CWC27: variants seen among roughly 807,000 people sequenced by gnomAD.
CWC27 encodes CWC27 spliceosome associated cyclophilin, also known as spliceosome-associated protein CWC27 homolog.
CWC27 carries 47 observed loss-of-function variants against 63.6 expected under a neutral mutation model. The ratio of observed to expected loss-of-function variants is 0.74; its 90% CI spans 0.58 to 0.94. The LOEUF is 0.94. Among genes scored for constraint, CWC27 ranks in the 40% least tolerant of loss-of-function variants. The probability of loss-of-function intolerance (pLI) is 0.00; values close to 1 mark genes in which losing one functional copy is unlikely to be tolerated. For synonymous variants in CWC27, 175 were observed against 179.8 expected, an observed-to-expected ratio of 0.97 and a Z score of 0.22; for missense variants, 495 against 554.3, an observed-to-expected ratio of 0.89 and a Z score of 1.07.
chr5:64,979,764 A>G (rs191387165), intron 13 of CWC27, among the ~76,000 whole-genome samples: 123 of 152,318 alleles, frequency 8.1e-4, no homozygotes, highest in Non-Finnish European at 9.7e-4. Flanking sequence ...GATTGCTTCT[A>G]AGACATTTTT....
chr5:64,780,688 C>T (rs9291822), intron 2 of CWC27, among the ~76,000 whole-genome samples: 80,450 of 132,960 alleles, frequency 0.61, 22,228 homozygotes, highest in East Asian at 0.87. Flanking sequence ...TATACACACG[C>T]GCACACGCGC....
intron 11 of CWC27, among the ~76,000 whole-genome samples, chr5:64,937,691 G>A (rs780931882): frequency 2.0e-5 from 3 of 152,020 alleles, no homozygotes; most frequent in Non-Finnish European, 4.4e-5. Context: ...TTGACAGTGA[G>A]GTGTTAAAGT....
At chr5:64,786,435 A>G in intron 5 of CWC27, 89 bp from the exon 6 acceptor site, 6 of 673,834 alleles carry the variant, frequency 8.9e-6, no homozygotes, top group Non-Finnish European at 1.4e-5. Flanking sequence ...AAAAATATAG[A>G]CACTATACCA....
intron 10 of CWC27, among the ~76,000 whole-genome samples, chr5:64,857,128 T>C (rs1178732731): frequency 6.6e-6 from 1 of 152,222 alleles, no homozygotes; most frequent in Admixed American, 6.5e-5. Flanking sequence ...GGGCAATATG[T>C]TGTTTTAAAG....
intron 10 of CWC27, among the ~76,000 whole-genome samples, chr5:64,862,784 GA>G (rs1746443229): frequency 6.6e-6 from 1 of 152,116 alleles, no homozygotes; most frequent in Non-Finnish European, 1.5e-5. Flanking sequence ...CAAGAAAAGA[GA>G]AATTTCTTTC....
intron 12 of CWC27, among the ~76,000 whole-genome samples, chr5:64,972,879 G>A (rs1290963085): frequency 6.6e-6 from 1 of 152,142 alleles, no homozygotes; most frequent in Non-Finnish European, 1.5e-5. Flanking sequence ...AGGGAAAAGA[G>A]CTAAACAAGT....
At position 64,905,973 on chromosome 5, in the gene CWC27, C is replaced by A. The variant is rs112372873; in HGVS notation, c.1042+20427C>A. Among the ~76,000 whole-genome samples the A allele has an allele frequency of 4.8e-3, 734 of 152,006 alleles. 5 individuals carry two copies. The highest frequency in any genetic ancestry group is 0.017 in the African/African-American group (692 of 41,334). On this transcript the variant is annotated intron_variant, in intron 11 of 13. Coordinates refer to ENST00000381070, the MANE Select transcript of CWC27 (RefSeq NM_005869.4). ...GATAGTTTGCTAAGAATGATGGTTT[C>A]CAGCTTCATCCATGTCCCTGCAAAG...
intron 13 of CWC27, among the ~76,000 whole-genome samples, chr5:64,982,067 T>C (rs1195925634): frequency 2.0e-5 from 3 of 152,204 alleles, no homozygotes; most frequent in African/African-American, 7.2e-5. Context: ...AGCTTTCCTT[T>C]GGAGTTAGCA....
chr5:64,974,653 T>C (rs1027955661), intron 12 of CWC27, among the ~76,000 whole-genome samples: 1 of 152,126 alleles, frequency 6.6e-6, no homozygotes. Flanking sequence ...TAGATAGATA[T>C]GGAGATAAGC....
intron 11 of CWC27, among the ~76,000 whole-genome samples, chr5:64,942,631 T>G (rs1192997848): frequency 1.3e-5 from 2 of 152,128 alleles, no homozygotes; most frequent in Non-Finnish European, 2.9e-5. Flanking sequence ...TGAATACATG[T>G]GTTATTTTCT....
intron 10 of CWC27, among the ~76,000 whole-genome samples, chr5:64,813,381 AAAAC>A (rs923703958): frequency 3.9e-5 from 6 of 152,190 alleles, no homozygotes; most frequent in Non-Finnish European, 8.8e-5. Flanking sequence ...AATCACCTTC[AAAAC>A]AAACAAACAA....
intron 13 of CWC27, among the ~76,000 whole-genome samples, chr5:65,008,276 T>C (rs996217979): frequency 1.2e-4 from 18 of 152,226 alleles, no homozygotes; most frequent in African/African-American, 4.3e-4. Context: ...TTTGTGTAAA[T>C]CTGAACTGTT....
chr5:64,961,350 T>C (rs897843252), intron 11 of CWC27, among the ~76,000 whole-genome samples: 1 of 152,212 alleles, frequency 6.6e-6, no homozygotes, highest in Non-Finnish European at 1.5e-5. Flanking sequence ...GCTCTTGTGC[T>C]CTAGTAAACT....
intron 8 of CWC27, among the ~76,000 whole-genome samples, chr5:64,800,694 T>G (rs1282594032): frequency 6.6e-6 from 1 of 152,216 alleles, no homozygotes; most frequent in Non-Finnish European, 1.5e-5. Context: ...AAATTACAGT[T>G]AAAGGTTTTT....
intron 10 of CWC27, among the ~76,000 whole-genome samples, chr5:64,826,356 A>G (rs143196962): frequency 1.3e-3 from 198 of 152,272 alleles, no homozygotes; most frequent in African/African-American, 4.5e-3. Flanking sequence ...GTCAGAGGAC[A>G]TATTCTGTAT....
chr5:64,846,694 A>C (rs1411851409), intron 10 of CWC27, among the ~76,000 whole-genome samples: 1 of 152,162 alleles, frequency 6.6e-6, no homozygotes, highest in African/African-American at 2.4e-5. Flanking sequence ...CCAGAAAAAA[A>C]CTAAGAAAAT....
intron 11 of CWC27, among the ~76,000 whole-genome samples, chr5:64,886,564 T>C (rs575871474): frequency 1.8e-4 from 28 of 152,264 alleles, no homozygotes; most frequent in African/African-American, 6.7e-4. Flanking sequence ...GACTACACAT[T>C]CTAATACAGT....
intron 10 of CWC27, among the ~76,000 whole-genome samples, chr5:64,808,843 A>G (rs1421141347): frequency 3.9e-5 from 6 of 152,206 alleles, no homozygotes; most frequent in African/African-American, 1.4e-4. Flanking sequence ...AAAAATACTA[A>G]TTCGTAGGCC....
At chr5:64,966,185 T>C (rs1055608099) in intron 11 of CWC27, among the ~76,000 whole-genome samples, 1 of 150,438 alleles carries the variant, frequency 6.6e-6, no homozygotes, top group African/African-American at 2.5e-5. Context: ...CTTCATAATC[T>C]AGCAAAAAAA....
Sources: gnomAD v4.1 joint callset for allele counts (sites outside exome capture counted in the v4.1 genomes callset) on GRCh38, gnomAD v4.1.1 for gene constraint, MANE v1.5 for transcripts, NCBI Gene and HGNC (gene_info 2026-07-23, HGNC 2026-07-21) for gene names.